INPP5F: variants seen among roughly 807,000 people sequenced by gnomAD.
The protein encoded by INPP5F is inositol polyphosphate-5-phosphatase F.
In INPP5F, 97 loss-of-function variants were observed where a neutral mutation model predicts 137.2. The observed-to-expected ratio is 0.71, with a 90% CI of 0.60 to 0.84. The LOEUF (loss-of-function observed/expected upper bound fraction) is 0.84. Ranked by LOEUF, INPP5F falls within the 40% of genes least tolerant of loss-of-function variation. The probability of loss-of-function intolerance (pLI) is 0.00; values close to 1 mark genes in which losing one functional copy is unlikely to be tolerated. For missense variants in INPP5F, 1,271 were observed against 1,371.9 expected, an observed-to-expected ratio of 0.93 and a Z score of 1.16; for synonymous variants, 504 against 476.9, an observed-to-expected ratio of 1.06 and a Z score of -0.74.
At chr10:119,822,321 G>A (rs1851599758) in intron 16 of INPP5F, 110 bp from the exon 17 acceptor site, 4 of 532,040 alleles carry the variant, frequency 7.5e-6, no homozygotes. Flanking sequence ...TATGTGCTGT[G>A]GAAGATTTTG....
At chr10:119,754,739 C>T (rs1403177015) in intron 2 of INPP5F, among the ~76,000 whole-genome samples, 1 of 152,006 alleles carries the variant, frequency 6.6e-6, no homozygotes, top group African/African-American at 2.4e-5. Flanking sequence ...GCCCCCAGCC[C>T]CTTGCCTGTG....
chr10:119,771,868 ATATATATATATATATTTTTTTTTT>A (rs1201905667), intron 2 of INPP5F, among the ~76,000 whole-genome samples: 38 of 14,302 alleles, frequency 2.7e-3, no homozygotes, highest in Non-Finnish European at 4.9e-3. Context: ...ATATATATAT[ATATATATATATATATTTTTTTTTT>A]TTTTTTTTTT....
At chr10:119,813,480 C>T (rs1457537976) in intron 15 of INPP5F, among the ~76,000 whole-genome samples, 1 of 151,926 alleles carries the variant, frequency 6.6e-6, no homozygotes, top group Non-Finnish European at 1.5e-5. Context: ...TTAAAATTAG[C>T]CTGGTATTGT....
intron 9 of INPP5F, among the ~76,000 whole-genome samples, chr10:119,801,319 A>T (rs1395948747): frequency 6.6e-6 from 1 of 152,220 alleles, no homozygotes; most frequent in African/African-American, 2.4e-5. Context: ...TCATTTACAT[A>T]CAGTTGGTTC....
intron 1 of INPP5F, 126 bp from the exon 2 acceptor site, chr10:119,750,950 A>G: frequency 3.0e-6 from 2 of 676,656 alleles, no homozygotes; most frequent in Admixed American, 2.5e-5. Flanking sequence ...ATGGTAATGT[A>G]TTCCATTTGG....
chr10:119,737,424 C>T (rs35727207), intron 1 of INPP5F, among the ~76,000 whole-genome samples: 2 of 152,034 alleles, frequency 1.3e-5, no homozygotes, highest in Admixed American at 1.3e-4. Context: ...AGTAGAATCA[C>T]CAGGGGGAGA....
chr10:119,795,944 G>T (rs940371891), intron 6 of INPP5F, among the ~76,000 whole-genome samples: 1 of 152,090 alleles, frequency 6.6e-6, no homozygotes, highest in Non-Finnish European at 1.5e-5. Flanking sequence ...CAGGCGTGGC[G>T]GCGCGCGCCT....
chr10:119,806,558 A>G (rs1850797302), intron 12 of INPP5F, 78 bp downstream of exon 12: 1 of 1,313,204 alleles, frequency 7.6e-7, no homozygotes, highest in Non-Finnish European at 1.0e-6. Flanking sequence ...ATAGCTAAAT[A>G]TTTTTCAAAT....
At chr10:119,795,638 T>C (rs1429467120) in intron 6 of INPP5F, among the ~76,000 whole-genome samples, 12 of 134,870 alleles carry the variant, frequency 8.9e-5, no homozygotes, top group East Asian at 2.4e-4. Flanking sequence ...AGACGATGGG[T>C]GGCCAGGCGG....
At chr10:119,732,792 G>A (rs1439104616) in intron 1 of INPP5F, among the ~76,000 whole-genome samples, 1 of 152,140 alleles carries the variant, frequency 6.6e-6, no homozygotes, top group Non-Finnish European at 1.5e-5. Context: ...GTGAGCCACC[G>A]CAACTGGCCT....
At chr10:119,810,007 G>T in intron 13 of INPP5F, 93 bp from the exon 14 acceptor site, 1 of 740,120 alleles carries the variant, frequency 1.4e-6, no homozygotes, top group Non-Finnish European at 2.4e-6. Context: ...ATAAAAGCCT[G>T]TAGAATTCTA....
chr10:119,823,768 T>A (rs757914174), intron 18 of INPP5F, 47 bp from the exon 19 acceptor site: 22 of 1,430,570 alleles, frequency 1.5e-5, no homozygotes, highest in Admixed American at 5.4e-5. Context: ...CTATTTTTTT[T>A]AGTATGTTTA....
chr10:119,821,014 T>C, intron 16 of INPP5F, 97 bp downstream of exon 16: 1 of 775,058 alleles, frequency 1.3e-6, no homozygotes, highest in Non-Finnish European at 2.3e-6. Flanking sequence ...GAGAATATGG[T>C]TTTGTTATGT....
At chr10:119,784,818 C>G (rs1039755104) in intron 3 of INPP5F, among the ~76,000 whole-genome samples, 3 of 152,158 alleles carry the variant, frequency 2.0e-5, no homozygotes, top group Admixed American at 1.3e-4. Context: ...CATCATCCCC[C>G]GAAAAAACCC....
At chr10:119,768,179 A>G (rs1358414351) in intron 2 of INPP5F, 1 of 152,132 alleles carries the variant, frequency 6.6e-6, no homozygotes, top group Non-Finnish European at 1.5e-5. Context: ...AAGACTTTGG[A>G]GTATATAGTA....
At chr10:119,745,699 C>CTTTTTTTT (rs35485618) in intron 1 of INPP5F, among the ~76,000 whole-genome samples, 3 of 90,544 alleles carry the variant, frequency 3.3e-5, no homozygotes, top group Non-Finnish European at 2.0e-5. Flanking sequence ...AGGCTCATTC[C>CTTTTTTTT]TTTTTTTTTT....
At chr10:119,797,749 A>G in intron 8 of INPP5F, 109 bp downstream of exon 8, 1 of 722,840 alleles carries the variant, frequency 1.4e-6, no homozygotes, top group East Asian at 3.0e-5. Flanking sequence ...ACTTCTTTCA[A>G]AACGATAACT....
intron 19 of INPP5F, chr10:119,825,996 T>C (rs1851743526): frequency 5.0e-6 from 2 of 398,458 alleles, no homozygotes; most frequent in Admixed American, 8.8e-5. Context: ...AATTGTTAAA[T>C]GTCCCAAATC....
rs1291645989 is a variant in INPP5F, at chr10:119,827,157, G to A, written c.2776G>A (p.Gly926Arg). The change falls in exon 20 of 20, where the codon GGG becomes AGG. Residue 926 changes from glycine to arginine, a missense_variant. Gly to Arg is a moderately radical substitution (Grantham distance 125, BLOSUM62 -2). Coordinates refer to ENST00000650623, the MANE Select transcript of INPP5F (RefSeq NM_014937.4). ...TCCTTCAGAGATTACTGTTGCTCAT[G>A]GGAGTGGGCTTGGAAAAGGCCAGGA... ...HAPSEITVAH[G>R]SGLGKGQESP... The A allele has an allele frequency of 2.5e-6, 4 of 1,613,990 alleles. No individual in the cohort carries two copies. The highest frequency in any genetic ancestry group is 3.4e-6 in the Non-Finnish European group (4 of 1,180,036).
Sources: gnomAD v4.1 joint callset for allele counts (sites outside exome capture counted in the v4.1 genomes callset) on GRCh38, gnomAD v4.1.1 for gene constraint, MANE v1.5 for transcripts, NCBI Gene and HGNC (gene_info 2026-07-23, HGNC 2026-07-21) for gene names.